Variants in STRIP2 observed in about 807,000 individuals in gnomAD.
STRIP2 encodes the protein striatin interacting protein 2, also known as striatin-interacting protein 2.
In STRIP2, 84 loss-of-function variants were observed where a neutral mutation model predicts 107.1. The observed-to-expected ratio is 0.78, with a 90% CI of 0.66 to 0.94. The LOEUF (loss-of-function observed/expected upper bound fraction) is 0.94. Ranked by LOEUF, STRIP2 falls within the 40% of genes least tolerant of loss-of-function variation. STRIP2 has a pLI of 0.00. For missense variants in STRIP2, 888 were observed against 1,034.2 expected, an observed-to-expected ratio of 0.86 and a Z score of 1.94; for synonymous variants, 394 against 400.4, an observed-to-expected ratio of 0.98 and a Z score of 0.19.
In STRIP2 at chr7:129,485,787, T is replaced by C; in HGVS notation, c.2463T>C (p.Phe821=). ...SYELWLEREV[F]SQPICWEELL... ...AGCTCTGGCTCGAGAGAGAGGTGTT[T>C]TCACAGCCCATCTGTTGGGAGGAGC... Residue 821 remains phenylalanine, a synonymous_variant, in exon 21 of 21, where the codon TTT becomes TTC. Coordinates refer to ENST00000249344, the MANE Select transcript of STRIP2 (RefSeq NM_020704.3). 1.9e-6 allele frequency: 3 copies of C among 1,614,154 alleles called. No individual in the cohort carries two copies. The highest frequency in any genetic ancestry group is 2.5e-6 in the Non-Finnish European group (3 of 1,180,028).
chr7:129,439,954 TAC>T, intron 1 of STRIP2, 66 bp from the exon 2 acceptor site: 1 of 1,233,834 alleles, frequency 8.1e-7, no homozygotes. Context: ...TAAATAAGGG[TAC>T]AGTCTTCCCT....
Position 129,479,905 on chromosome 7 carries a change from A to G in STRIP2, c.1945-880A>G, listed in dbSNP as rs143270141. Reference sequence around the variant, plus strand: ...TTTGGATGTTCATTCCACATTAGATATATGCCTGTCTTGCTTCAAATTAAT... The same window carrying G: ...TTTGGATGTTCATTCCACATTAGATGTATGCCTGTCTTGCTTCAAATTAAT... On this transcript the variant is annotated intron_variant, in intron 18 of 20. Coordinates refer to ENST00000249344, the MANE Select transcript of STRIP2 (RefSeq NM_020704.3). 2.5e-3 allele frequency among the ~76,000 whole-genome samples: 379 copies of G among 152,298 alleles called. 2 individuals carry two copies. Among genetic ancestry groups the G allele is most frequent in the African/African-American group, 7.6e-3 (316 of 41,564 alleles).
chr7:129,472,404 T>A (rs996327721), intron 18 of STRIP2, among the ~76,000 whole-genome samples: 19 of 152,220 alleles, frequency 1.2e-4, no homozygotes, highest in African/African-American at 4.6e-4. Context: ...AACATAATAA[T>A]TTATTATGTT....
intron 17 of STRIP2, among the ~76,000 whole-genome samples, chr7:129,469,932 A>G (rs893701678): frequency 6.6e-6 from 1 of 152,208 alleles, no homozygotes; most frequent in East Asian, 1.9e-4. Context: ...GCTAGTCCAG[A>G]TTCTGTATTG....
intron 1 of STRIP2, among the ~76,000 whole-genome samples, chr7:129,435,269 G>C (rs1349288558): frequency 6.6e-6 from 1 of 152,192 alleles, no homozygotes; most frequent in African/African-American, 2.4e-5. Flanking sequence ...TGAATATTTC[G>C]ATCTCTTCCT....
intron 3 of STRIP2, 91 bp downstream of exon 3, chr7:129,444,189 C>T (rs1218246384): frequency 1.2e-6 from 1 of 855,140 alleles, no homozygotes; most frequent in African/African-American, 1.7e-5. Context: ...AAGTGCGATC[C>T]TTCATCCCCT....
At chr7:129,444,183 G>A in intron 3 of STRIP2, 85 bp downstream of exon 3, 2 of 963,644 alleles carry the variant, frequency 2.1e-6, no homozygotes, top group South Asian at 1.5e-5. Flanking sequence ...AAAACAAAGT[G>A]CGATCCTTCA....
intron 19 of STRIP2, among the ~76,000 whole-genome samples, chr7:129,481,777 T>C (rs1464265365): frequency 2.6e-5 from 4 of 151,976 alleles, no homozygotes; most frequent in Admixed American, 2.6e-4. Flanking sequence ...GAGGCAGTTC[T>C]GTACTGATAT....
intron 17 of STRIP2, among the ~76,000 whole-genome samples, chr7:129,470,437 C>T (rs1489295687): frequency 6.6e-6 from 1 of 152,210 alleles, no homozygotes; most frequent in East Asian, 1.9e-4. Flanking sequence ...GGGTGCCAGC[C>T]TCAAAGAACT....
chr7:129,455,273 G>C lies in STRIP2; in HGVS notation c.736G>C (p.Ala246Pro). 1 of 1,613,746 alleles carries C rather than the reference G, an allele frequency of 6.2e-7. No homozygotes were observed. The highest frequency in any genetic ancestry group is 8.5e-7 in the Non-Finnish European group (1 of 1,179,850). Residue 246 changes from alanine (A) to proline (P), a missense_variant, in exon 8 of 21, where the codon GCC becomes CCC. Ala to Pro is a conservative substitution (Grantham distance 27). Transcript: ENST00000249344. ...SFSMHNEEPF[A>P]LLLFSMVTKF... ...CTCCATGCATAATGAGGAGCCTTTT[G>C]CCCTTTTACTCTTCTCCATGGTTAC...
At chr7:129,476,540 G>T (rs1312322024) in intron 18 of STRIP2, among the ~76,000 whole-genome samples, 3 of 151,696 alleles carry the variant, frequency 2.0e-5, no homozygotes, top group Admixed American at 2.0e-4. Context: ...TCCCAGACAG[G>T]GTCGCGGCCG....
chr7:129,463,700 G>A (rs1283026845), intron 14 of STRIP2, among the ~76,000 whole-genome samples: 2 of 152,132 alleles, frequency 1.3e-5, no homozygotes, highest in Admixed American at 1.3e-4. Flanking sequence ...TTACCATGTT[G>A]GCCAGGCTGA....
intron 12 of STRIP2, 111 bp from the exon 13 acceptor site, chr7:129,460,190 A>G (rs2151003840): frequency 1.1e-6 from 1 of 907,408 alleles, no homozygotes; most frequent in Admixed American, 2.7e-5. Context: ...TATGTGGGGT[A>G]ACAAACCCAT....
intron 16 of STRIP2, 141 bp downstream of exon 16, chr7:129,464,879 C>T: frequency 9.1e-7 from 1 of 1,098,076 alleles, no homozygotes; most frequent in Non-Finnish European, 1.3e-6. Context: ...ATCCAGCCAC[C>T]CATTGCATGA....
chr7:129,458,762 G>C lies in STRIP2; in HGVS notation c.1325G>C (p.Gly442Ala), dbSNP rs1252226145. The change falls in exon 11 of 21, where the codon GGA (glycine) becomes GCA (alanine). Residue 442 changes from glycine (G) to alanine (A), a missense_variant. By Grantham distance (60) the Gly-to-Ala change is moderately conservative (BLOSUM62 0). Coordinates refer to ENST00000249344, the MANE Select transcript of STRIP2 (RefSeq NM_020704.3). This position sits in a 1 kb window ranked among gnomAD's most constrained non-coding sequence, Gnocchi z 4.6. The part of the protein sequence containing the change: ...FLEMSRNKFI[G>A]FTLGQDTDTL... Reference sequence around the variant, plus strand: ...GAGATGAGCAGGAACAAGTTCATCGGATTCACCCTGGGGCAGTAAGTGACT... The same window carrying C: ...GAGATGAGCAGGAACAAGTTCATCGCATTCACCCTGGGGCAGTAAGTGACT... The C allele has an allele frequency of 6.2e-7, 1 of 1,614,160 alleles. No homozygotes were observed. Among genetic ancestry groups the C allele is most frequent in the East Asian group, 2.2e-5 (1 of 44,880 alleles).
Position 129,450,918 on chromosome 7 carries a change from C to CTTTTTTTTTTTTTT in STRIP2, c.275-672_275-659dup, listed in dbSNP as rs758536953. The stretch of plus-strand genomic sequence containing the variant: ...GGCCACAGCATTAGTGAGAAAGGTC[C>CTTTTTTTTTTTTTT]TTTTTTTTTTTTTTTTTTTTTTTTT... On this transcript the variant is annotated intron_variant, in intron 3 of 20. Transcript: ENST00000249344. Among the ~76,000 whole-genome samples, 2 of 54,512 alleles carry CTTTTTTTTTTTTTT rather than the reference C, an allele frequency of 3.7e-5. 1 individual carries two copies. The highest frequency in any genetic ancestry group is 6.3e-5 in the Non-Finnish European group (2 of 31,552). 35.8% of individuals were successfully genotyped at this position (54,512 alleles called of 152,430 possible). A position where few individuals can be genotyped will look rare whatever the true frequency, so the allele number is the denominator to read the frequency against.
In STRIP2 at chr7:129,488,267, A is replaced by T. The variant is rs1799280010; in HGVS notation, c.*2438A>T. On this transcript the variant is annotated 3_prime_UTR_variant, in exon 21 of 21. Coordinates refer to ENST00000249344, the MANE Select transcript of STRIP2 (RefSeq NM_020704.3). Reference sequence around the variant, plus strand: ...CTCCAATGGTGATTACTTTTACTACATAGAAAAACATTTTAGTGACTTACA... The same window carrying T: ...CTCCAATGGTGATTACTTTTACTACTTAGAAAAACATTTTAGTGACTTACA... 6.5e-6 allele frequency: 1 copy of T among 152,698 alleles called. No individual in the cohort carries two copies. The highest frequency in any genetic ancestry group is 1.5e-5 in the Non-Finnish European group (1 of 68,048). 9.5% of individuals were successfully genotyped at this position (152,698 alleles called of 1,614,324 possible).
intron 18 of STRIP2, among the ~76,000 whole-genome samples, chr7:129,473,880 G>T (rs1006922568): frequency 3.3e-5 from 5 of 151,938 alleles, no homozygotes; most frequent in Admixed American, 2.0e-4. Context: ...ACCACGCCTG[G>T]CTAATTTTTT....
Position 129,434,531 on chromosome 7 carries a change from G to A in STRIP2, c.59G>A (p.Gly20Asp). 1 of 1,518,334 alleles carries A rather than the reference G, an allele frequency of 6.6e-7. No individual in the cohort carries two copies. Among genetic ancestry groups the A allele is most frequent in the East Asian group, 2.6e-5 (1 of 38,654 alleles). The allele number at this position is 1,518,334 out of a possible 1,614,324, so 94.1% of individuals were successfully genotyped here. Residue 20 changes from glycine to aspartate, a missense_variant, in exon 1 of 21, where the codon GGC (glycine) becomes GAC (aspartate). Physicochemically the swap from Gly to Asp is moderately conservative, Grantham distance 94. Transcript: ENST00000249344. The part of the protein sequence containing the change: ...GGPPANGNGN[G>D]GGKGKQAAPK... ...CCGCCCGCAAATGGCAATGGCAACG[G>A]CGGCGGCAAAGGGAAGCAGGCGGCG... is the stretch of plus-strand genomic sequence containing the variant.
Sources: gnomAD v4.1 joint callset for allele counts (sites outside exome capture counted in the v4.1 genomes callset) on GRCh38, gnomAD v4.1.1 for gene constraint, Gnocchi (gnomAD v3.1) non-coding constraint, MANE v1.5 for transcripts, NCBI Gene and HGNC (gene_info 2026-07-23, HGNC 2026-07-21) for gene names.